PDE12: variants seen among roughly 807,000 people sequenced by gnomAD.
PDE12 encodes 2',5'-phosphodiesterase 12.
A neutral mutation model predicts 45.4 loss-of-function variants in PDE12; 26 were observed. The ratio of observed to expected loss-of-function variants is 0.57; its 90% confidence interval spans 0.42 to 0.79. The LOEUF (loss-of-function observed/expected upper bound fraction) is 0.79. PDE12 is among the 30% of genes least tolerant of loss of function. The pLI is 0.00. For missense variants in PDE12, 668 were observed against 790.0 expected, an observed-to-expected ratio of 0.85 and a Z score of 1.85; for synonymous variants, 283 against 323.9, an observed-to-expected ratio of 0.87 and a Z score of 1.36.
the PDE12 span, among the ~76,000 whole-genome samples, chr3:57,623,512 C>G: frequency 5.9e-5 from 9 of 151,928 alleles, no homozygotes; most frequent in Non-Finnish European, 1.2e-4. Flanking sequence ...AACCCCATCT[C>G]GACTAAAAGT....
Position 57,561,406 on chromosome 3 carries a change from C to T in PDE12, c.*1402C>T. 2 of 978,052 alleles carry T rather than the reference C, an allele frequency of 2.0e-6. No homozygotes were observed. The highest frequency in any genetic ancestry group is 4.7e-5 in the South Asian group (1 of 21,118). The allele number at this position is 978,052 out of a possible 1,614,324, so 60.6% of individuals were successfully genotyped here. The stretch of plus-strand genomic sequence containing the variant: ...CAAGCATTATAGTTTGAGTTACAGA[C>T]AACAGTGTGTATATATGTAATATAT... On this transcript the variant is annotated 3_prime_UTR_variant, in exon 3 of 3. Coordinates refer to ENST00000311180, the MANE Select transcript of PDE12 (RefSeq NM_177966.7).
intron 1 of PDE12, among the ~76,000 whole-genome samples, chr3:57,558,898 G>A (rs2153407445): frequency 6.6e-6 from 1 of 152,162 alleles, no homozygotes; most frequent in African/African-American, 2.4e-5. Context: ...GGAAGGAGAT[G>A]GAAGAAAACG....
chr3:57,615,995 A>T, the PDE12 span, among the ~76,000 whole-genome samples: 24,640 of 152,102 alleles, frequency 0.16, 2,677 homozygotes, highest in East Asian at 0.48. Context: ...GATGAAATGG[A>T]CAAATTTCTT....
At chr3:57,620,051 A>G in the PDE12 span, among the ~76,000 whole-genome samples, 1 of 151,242 alleles carries the variant, frequency 6.6e-6, no homozygotes, top group African/African-American at 2.4e-5. Flanking sequence ...GTAAAACCCC[A>G]TTTCAACTGA....
At chr3:57,590,597 T>C in the PDE12 span, among the ~76,000 whole-genome samples, 4 of 152,182 alleles carry the variant, frequency 2.6e-5, no homozygotes, top group Non-Finnish European at 5.9e-5. Context: ...GATAAAAAGA[T>C]TTTTCATGTT....
At chr3:57,620,722 A>G in the PDE12 span, among the ~76,000 whole-genome samples, 1 of 152,214 alleles carries the variant, frequency 6.6e-6, no homozygotes, top group Non-Finnish European at 1.5e-5. Flanking sequence ...TTTTAAAAAA[A>G]TATCATTTGC....
the PDE12 span, among the ~76,000 whole-genome samples, chr3:57,649,198 C>A: frequency 6.6e-6 from 1 of 152,044 alleles, no homozygotes; most frequent in Non-Finnish European, 1.5e-5. Context: ...GGGCTAAGGA[C>A]ATGAATAGAC....
the PDE12 span, among the ~76,000 whole-genome samples, chr3:57,580,405 CTT>C: frequency 6.6e-6 from 1 of 151,774 alleles, no homozygotes; most frequent in African/African-American, 2.4e-5. Context: ...TTTGTTTCTT[CTT>C]TTTTTCAAAA....
the PDE12 span, among the ~76,000 whole-genome samples, chr3:57,633,680 G>C: frequency 6.6e-6 from 1 of 152,170 alleles, no homozygotes; most frequent in African/African-American, 2.4e-5. Flanking sequence ...CCTGAGGTCA[G>C]GGGCTCAGGA....
chr3:57,613,726 C>G, the PDE12 span, among the ~76,000 whole-genome samples: 1 of 151,406 alleles, frequency 6.6e-6, no homozygotes, highest in South Asian at 2.1e-4. Context: ...CGGTGAAACC[C>G]CGTCTCTACT....
the PDE12 span, among the ~76,000 whole-genome samples, chr3:57,592,686 A>G: frequency 6.6e-6 from 1 of 152,290 alleles, no homozygotes; most frequent in East Asian, 1.9e-4. Context: ...AAAAGGGTGC[A>G]TCTAAGGATG....
chr3:57,577,427 G>A, the PDE12 span: 12 of 1,511,442 alleles, frequency 7.9e-6, no homozygotes, highest in Middle Eastern at 1.7e-4. Context: ...ACAGTTAAAC[G>A]ACACTCTCTA....
At chr3:57,604,617 T>TTG in the PDE12 span, among the ~76,000 whole-genome samples, 6 of 8,332 alleles carry the variant, frequency 7.2e-4, no homozygotes, top group African/African-American at 1.3e-3. Flanking sequence ...TTTTTTTTTT[T>TTG]GGGGGGGGTG....
the PDE12 span, among the ~76,000 whole-genome samples, chr3:57,631,723 T>TA: frequency 7.0e-6 from 1 of 142,234 alleles, no homozygotes; most frequent in Non-Finnish European, 1.5e-5. Flanking sequence ...TCTCTTTTTT[T>TA]TTTTTTTTTT....
At chr3:57,628,556 AC>A in the PDE12 span, among the ~76,000 whole-genome samples, 3 of 152,218 alleles carry the variant, frequency 2.0e-5, no homozygotes, top group African/African-American at 7.2e-5. Context: ...TCATAATAAT[AC>A]CTAGAAATAT....
At chr3:57,650,421 T>TAC in the PDE12 span, among the ~76,000 whole-genome samples, 24,661 of 149,786 alleles carry the variant, frequency 0.16, 2,023 homozygotes, top group South Asian at 0.26. Flanking sequence ...TGCATTTACA[T>TAC]ACACACACAC....
chr3:57,651,275 T>C, the PDE12 span, among the ~76,000 whole-genome samples: 1 of 152,216 alleles, frequency 6.6e-6, no homozygotes, highest in Non-Finnish European at 1.5e-5. Context: ...AAACGCACTT[T>C]CAACTTACAA....
At chr3:57,640,162 G>A in the PDE12 span, among the ~76,000 whole-genome samples, 3 of 151,726 alleles carry the variant, frequency 2.0e-5, no homozygotes, top group African/African-American at 7.3e-5. Context: ...CCAGCTCCTT[G>A]GGAGGCTGAG....
At chr3:57,650,439 C>A in the PDE12 span, among the ~76,000 whole-genome samples, 1 of 151,714 alleles carries the variant, frequency 6.6e-6, no homozygotes, top group Non-Finnish European at 1.5e-5. Context: ...CACACACACA[C>A]ACACACATAC....
Sources: gnomAD v4.1 joint callset for allele counts (sites outside exome capture counted in the v4.1 genomes callset) on GRCh38, gnomAD v4.1.1 for gene constraint, MANE v1.5 for transcripts, NCBI Gene and HGNC (gene_info 2026-07-23, HGNC 2026-07-21) for gene names.